WDR47: variants seen among roughly 807,000 people sequenced by gnomAD.
The protein encoded by WDR47 is WD repeat-containing protein 47.
Under a neutral mutation model 97.2 loss-of-function variants are expected in WDR47, and 32 were observed. That is an observed-to-expected ratio of 0.33 (90% CI 0.25 to 0.44). WDR47 has a LOEUF of 0.44. Among genes scored for constraint, WDR47 ranks in the 20% least tolerant of loss-of-function variants. WDR47 has a pLI of 1.00. For missense variants in WDR47, 782 were observed against 1,102.3 expected (o/e 0.71, Z 4.11); for synonymous variants, 375 against 373.5 (o/e 1.00, Z -0.05).
intron 4 of WDR47, 87 bp from the exon 5 acceptor site, chr1:109,011,805 A>G (rs1340126588): frequency 1.6e-6 from 2 of 1,245,410 alleles, no homozygotes. Flanking sequence ...AGAATAAATT[A>G]TATTGCCACA....
chr1:109,015,878 G>A (rs1661375997), intron 3 of WDR47, among the ~76,000 whole-genome samples: 1 of 151,274 alleles, frequency 6.6e-6, no homozygotes, highest in Non-Finnish European at 1.5e-5. Flanking sequence ...AGCTGCTCGG[G>A]AGGCTGAGGC....
chr1:108,981,659 G>T, intron 13 of WDR47, 74 bp downstream of exon 13: 1 of 1,405,574 alleles, frequency 7.1e-7, no homozygotes, highest in South Asian at 1.5e-5. Flanking sequence ...TTTTTATATT[G>T]CAGGGGAGAA....
intron 13 of WDR47, 68 bp downstream of exon 13, chr1:108,981,665 G>A: frequency 4.8e-6 from 7 of 1,447,064 alleles, no homozygotes; most frequent in Non-Finnish European, 6.5e-6. Context: ...TATTGCAGGG[G>A]AGAAGAAGTA....
Position 108,981,326 on chromosome 1 carries a change from T to C in WDR47, c.2398+407A>G, listed in dbSNP as rs529893574. ...TACAAACTTTCTGGTTACATATTTA[T>C]AGAATATTTCTGGAAGAATAAATAA... is the stretch of plus-strand genomic sequence containing the variant. On this transcript the variant is annotated intron_variant, in intron 13 of 14. Transcript: ENST00000369962. 7.9e-5 allele frequency among the ~76,000 whole-genome samples: 12 copies of C among 152,260 alleles called. No homozygotes were observed. In the South Asian group the frequency reaches 1.0e-3, roughly 13 times the overall value.
At chr1:109,016,482 A>T (rs934511084) in intron 3 of WDR47, among the ~76,000 whole-genome samples, 1 of 152,240 alleles carries the variant, frequency 6.6e-6, no homozygotes, top group East Asian at 1.9e-4. Context: ...AGTAGGAAAC[A>T]TACCAAAATC....
At chr1:108,996,068 T>C (rs17038502) in intron 7 of WDR47, among the ~76,000 whole-genome samples, 63,006 of 152,028 alleles carry the variant, frequency 0.41, 13,411 homozygotes, top group East Asian at 0.64. Flanking sequence ...ATGGGCATTA[T>C]AGACTTTTCT....
intron 14 of WDR47, among the ~76,000 whole-genome samples, chr1:108,973,156 T>C (rs74113734): frequency 0.056 from 8,547 of 152,042 alleles, 266 homozygotes; most frequent in Non-Finnish European, 0.062. Context: ...CTGGTCTCTA[T>C]GCAAATGGCA....
At chr1:109,030,426 G>A (rs933864991) in intron 1 of WDR47, 52 of 359,254 alleles carry the variant, frequency 1.4e-4, no homozygotes, top group African/African-American at 9.2e-4. Context: ...CATCTGCAAT[G>A]CGGTTACTTA....
At chr1:109,025,849 C>T (rs977411733) in intron 1 of WDR47, among the ~76,000 whole-genome samples, 1 of 152,128 alleles carries the variant, frequency 6.6e-6, no homozygotes, top group African/African-American at 2.4e-5. Context: ...TCAGACTACA[C>T]AAATCCCTCT....
chr1:109,013,850 C>T lies in WDR47; in HGVS notation c.318G>A (p.Glu106=), dbSNP rs1661216526. Residue 106 remains glutamate, a synonymous_variant, in exon 4 of 15, where the codon GAG becomes GAA. Coordinates refer to ENST00000369962, the MANE Select transcript of WDR47 (RefSeq NM_001142551.2). ...CVNNAMSAED[E]PQHLEFTMQE... is the part of the protein sequence containing the mutation. Reference sequence around the variant, plus strand: ...GGAATAAAAATCTTACATGCTGGGGCTCATCTTCTGCTGACATCGCGTTGT... The same window carrying T: ...GGAATAAAAATCTTACATGCTGGGGTTCATCTTCTGCTGACATCGCGTTGT... 6.2e-7 allele frequency: 1 copy of T among 1,613,616 alleles called. No individual in the cohort carries two copies.
At chr1:109,033,994 C>T (rs1662771969) in intron 1 of WDR47, among the ~76,000 whole-genome samples, 1 of 152,144 alleles carries the variant, frequency 6.6e-6, no homozygotes, top group African/African-American at 2.4e-5. Flanking sequence ...AAATTTTTAC[C>T]TACAAAAATG....
chr1:108,988,131 G>T (rs1441943323), intron 9 of WDR47, among the ~76,000 whole-genome samples: 2 of 149,308 alleles, frequency 1.3e-5, no homozygotes, highest in African/African-American at 4.9e-5. Flanking sequence ...TGTAGTCTCA[G>T]CTACTTGGGA....
intron 13 of WDR47, among the ~76,000 whole-genome samples, chr1:108,979,415 A>G (rs1463735775): frequency 6.6e-6 from 1 of 152,182 alleles, no homozygotes; most frequent in Non-Finnish European, 1.5e-5. Flanking sequence ...GGTCCCAGCC[A>G]CTCGGGAAGC....
At position 108,992,312 on chromosome 1, in the gene WDR47, C is replaced by G. The variant is rs995063046; in HGVS notation, c.1692-983G>C. On this transcript the variant is annotated intron_variant, in intron 8 of 14. Coordinates refer to ENST00000369962, the MANE Select transcript of WDR47 (RefSeq NM_001142551.2). ...TCGCTATTCACTTGACCCGGAGAACCCCACGGAATCATGCAAATCAAGAGG... is the reference window on the plus strand; with the variant it reads ...TCGCTATTCACTTGACCCGGAGAACGCCACGGAATCATGCAAATCAAGAGG... 8 of 774,396 alleles carry G rather than the reference C, an allele frequency of 1.0e-5. No homozygotes were observed. In the African/African-American group the frequency reaches 1.2e-4, roughly 11 times the overall value. The allele number at this position is 774,396 out of a possible 1,614,324, so 48.0% of individuals were successfully genotyped here.
In WDR47 at chr1:108,995,829, T is replaced by G; in HGVS notation, c.1442A>C (p.Gln481Pro). ...TCCAATATTTAATTCACCAAGCTTT[T>G]GAATGGACCTATAAAATTAAACAAT... The part of the protein sequence containing the change: ...LTEQFLNRSI[Q>P]KLGELNIGMD... The change falls in exon 8 of 15, where the codon CAA (glutamine) becomes CCA (proline). Residue 481 changes from glutamine (Q) to proline (P), a missense_variant. Gln to Pro is a moderately conservative substitution (Grantham distance 76). Transcript: ENST00000369962. 1 of 1,613,474 alleles carries G rather than the reference T, an allele frequency of 6.2e-7. No homozygotes were observed. The highest frequency in any genetic ancestry group is 8.5e-7 in the Non-Finnish European group (1 of 1,179,584).
intron 10 of WDR47, among the ~76,000 whole-genome samples, chr1:108,986,024 C>A (rs577790241): frequency 5.3e-5 from 8 of 149,736 alleles, no homozygotes; most frequent in Non-Finnish European, 8.9e-5. Context: ...ACCCCTGTTT[C>A]TCAAACTAGG....
intron 13 of WDR47, among the ~76,000 whole-genome samples, chr1:108,977,578 G>A (rs557878595): frequency 3.3e-5 from 5 of 152,160 alleles, no homozygotes; most frequent in Admixed American, 6.5e-5. Flanking sequence ...AAGGCCAGGC[G>A]CGGTGGCTCA....
At chr1:108,987,128 GC>G in intron 9 of WDR47, 1 of 192,466 alleles carries the variant, frequency 5.2e-6, no homozygotes, top group Non-Finnish European at 1.2e-5. Context: ...AGATCCCTTA[GC>G]CCTCCTGCAG....
chr1:108,987,905 C>T (rs1240391051), intron 9 of WDR47, among the ~76,000 whole-genome samples: 1 of 151,900 alleles, frequency 6.6e-6, no homozygotes, highest in Non-Finnish European at 1.5e-5. Context: ...AGTTCATAAA[C>T]ACTCAAGTTT....
Sources: allele counts gnomAD v4.1 joint callset (sites outside exome capture counted in the v4.1 genomes callset), GRCh38; gene constraint gnomAD v4.1.1; transcripts MANE v1.5; gene names NCBI Gene and HGNC (gene_info 2026-07-23, HGNC 2026-07-21).